The following SOCS2 variants were observed in gnomAD, a reference collection of about 807,000 sequenced individuals.
SOCS2 encodes suppressor of cytokine signaling 2.
SOCS2 carries 10 observed loss-of-function variants against 18.6 expected under a neutral mutation model. The ratio of observed to expected loss-of-function variants is 0.54; its 90% confidence interval spans 0.33 to 0.91. The LOEUF (loss-of-function observed/expected upper bound fraction) is 0.91, where lower values mean the gene tolerates loss of function less well. SOCS2 is among the 40% of genes least tolerant of loss of function. The pLI is 0.02. For synonymous variants in SOCS2, 104 were observed against 104.0 expected (o/e 1.00, Z 0.00); for missense variants, 231 against 247.2 (o/e 0.93, Z 0.44).
chr12:93,575,088 T>A lies in SOCS2; in HGVS notation c.506T>A (p.Leu169His). 1 of 1,613,226 alleles carries A rather than the reference T, an allele frequency of 6.2e-7. No individual in the cohort carries two copies. The highest frequency in any genetic ancestry group is 8.5e-7 in the Non-Finnish European group (1 of 1,179,662). The change falls in exon 2 of 2, where the codon CTC (leucine) becomes CAC (histidine). Residue 169 changes from leucine to histidine, a missense_variant. This residue lies in a region of SOCS2 where 122 missense variants were observed against 127.2 expected (regional missense o/e 0.96). Coordinates refer to ENST00000551556, the MANE Select transcript of SOCS2 (RefSeq NM_001270471.2). Reference sequence around the variant, plus strand: ...CCATCTCTGCAGCATCTCTGTAGGCTCACCATTAACAAATGTACCGGTGCC... The same window carrying A: ...CCATCTCTGCAGCATCTCTGTAGGCACACCATTAACAAATGTACCGGTGCC... ...SAPSLQHLCR[L>H]TINKCTGAIW...
chr12:93,604,247 C>T, the SOCS2 span, among the ~76,000 whole-genome samples: 1 of 152,096 alleles, frequency 6.6e-6, no homozygotes, highest in Non-Finnish European at 1.5e-5. Context: ...TGTTAATCCT[C>T]TGATGTGGAA....
chr12:93,607,732 AT>A, the SOCS2 span, among the ~76,000 whole-genome samples: 1 of 152,188 alleles, frequency 6.6e-6, no homozygotes, highest in Non-Finnish European at 1.5e-5. Context: ...AATATTTTAA[AT>A]AAAAATACGC....
the SOCS2 span, among the ~76,000 whole-genome samples, chr12:93,605,818 A>T: frequency 1.3e-5 from 2 of 152,226 alleles, no homozygotes; most frequent in Non-Finnish European, 2.9e-5. Flanking sequence ...TAGAGGCAGA[A>T]TTCATAACCT....
At chr12:93,608,798 C>T in the SOCS2 span, among the ~76,000 whole-genome samples, 4 of 152,246 alleles carry the variant, frequency 2.6e-5, no homozygotes, top group African/African-American at 9.6e-5. Context: ...CTCGGTGCAA[C>T]ATCAGTTTAA....
chr12:93,607,909 G>A, the SOCS2 span, among the ~76,000 whole-genome samples: 1 of 151,672 alleles, frequency 6.6e-6, no homozygotes, highest in Admixed American at 6.6e-5. Flanking sequence ...TACAGTTACG[G>A]CTTCTAAAAA....
the SOCS2 span, among the ~76,000 whole-genome samples, chr12:93,619,901 G>A: frequency 2.0e-5 from 3 of 152,226 alleles, no homozygotes; most frequent in South Asian, 6.2e-4. Context: ...CACAGCCAAA[G>A]GTAATCTTTC....
chr12:93,579,873 A>C (rs139367170), downstream of SOCS2, among the ~76,000 whole-genome samples: 186 of 152,302 alleles, frequency 1.2e-3, no homozygotes, highest in African/African-American at 4.2e-3. Flanking sequence ...GACTTACTTC[A>C]ATAAACATGC....
chr12:93,583,240 GCTT>G (rs1954562922), exon 2 of SOCS2: 1 of 152,032 alleles, frequency 6.6e-6, no homozygotes, highest in Admixed American at 6.5e-5. Flanking sequence ...TCTTCGCTCT[GCTT>G]CCCAGCTAAC....
At chr12:93,583,533 G>A (rs1367848569), downstream of SOCS2, 1 of 152,096 alleles carries the variant, frequency 6.6e-6, no homozygotes, top group African/African-American at 2.4e-5. Flanking sequence ...GGTTTTCCTG[G>A]ATCTCTCTTA....
At chr12:93,606,735 C>T in the SOCS2 span, among the ~76,000 whole-genome samples, 1 of 152,178 alleles carries the variant, frequency 6.6e-6, no homozygotes, top group Non-Finnish European at 1.5e-5. Flanking sequence ...TCACTGCAAC[C>T]TCTGCCTCCC....
At chr12:93,587,829 C>A (rs1024182931), downstream of SOCS2, among the ~76,000 whole-genome samples, 1 of 152,166 alleles carries the variant, frequency 6.6e-6, no homozygotes. Flanking sequence ...AAAGAGGAAA[C>A]CAACTAGGAG....
downstream of SOCS2, among the ~76,000 whole-genome samples, chr12:93,578,966 C>A (rs1954502123): frequency 6.6e-6 from 1 of 152,216 alleles, no homozygotes; most frequent in Non-Finnish European, 1.5e-5. Context: ...TCTGAAAAAT[C>A]TGCCTCTGCT....
chr12:93,604,898 C>T, the SOCS2 span, among the ~76,000 whole-genome samples: 1 of 151,690 alleles, frequency 6.6e-6, no homozygotes, highest in African/African-American at 2.4e-5. Flanking sequence ...TGGTTTCAAG[C>T]GATCCTCCTG....
At chr12:93,577,285 C>T (rs1206122923), downstream of SOCS2, among the ~76,000 whole-genome samples, 1 of 152,176 alleles carries the variant, frequency 6.6e-6, no homozygotes, top group East Asian at 1.9e-4. Flanking sequence ...TTCAATCTTC[C>T]ATATTGCAAG....
Position 93,574,828 on chromosome 12 carries a change from A to G in SOCS2, c.246A>G (p.Leu82=). The change falls in exon 2 of 2, where the codon CTA becomes CTG. Residue 82 remains leucine, a synonymous_variant. Coordinates refer to ENST00000551556, the MANE Select transcript of SOCS2 (RefSeq NM_001270471.2). ...IRDSSHSDYL[L]TISVKTSAGP... is the part of the protein sequence containing the mutation. ...ATAGCTCGCATTCAGACTACCTACT[A>G]ACAATATCTGTTAAAACATCAGCTG... is the stretch of plus-strand genomic sequence containing the variant. 2 of 1,614,220 alleles carry G rather than the reference A, an allele frequency of 1.2e-6. No individual in the cohort carries two copies. The highest frequency in any genetic ancestry group is 8.5e-7 in the Non-Finnish European group (1 of 1,180,036).
the SOCS2 span, among the ~76,000 whole-genome samples, chr12:93,595,829 T>C: frequency 2.6e-5 from 4 of 152,324 alleles, no homozygotes; most frequent in East Asian, 7.7e-4. Flanking sequence ...AATGAGCTGT[T>C]TTATTTTATT....
At chr12:93,606,357 G>A in the SOCS2 span, among the ~76,000 whole-genome samples, 4 of 152,136 alleles carry the variant, frequency 2.6e-5, no homozygotes, top group African/African-American at 9.7e-5. Flanking sequence ...CTGACACTAG[G>A]AGTCAAGCCC....
At chr12:93,592,248 T>C in the SOCS2 span, among the ~76,000 whole-genome samples, 2 of 152,248 alleles carry the variant, frequency 1.3e-5, no homozygotes, top group African/African-American at 4.8e-5. Context: ...AAATTTAATA[T>C]TTGGACTCTC....
chr12:93,602,216 T>C, the SOCS2 span, among the ~76,000 whole-genome samples: 35 of 152,280 alleles, frequency 2.3e-4, no homozygotes, highest in Admixed American at 8.5e-4. Flanking sequence ...CCTCAGCTTA[T>C]CCTAGACTAC....
Sources: allele counts gnomAD v4.1 joint callset (sites outside exome capture counted in the v4.1 genomes callset), GRCh38; gene constraint gnomAD v4.1.1; regional missense constraint gnomAD v4.1.1; transcripts MANE v1.5; gene names NCBI Gene and HGNC (gene_info 2026-07-23, HGNC 2026-07-21).